The following DNAH7 variants were observed in gnomAD, a reference collection of about 807,000 sequenced individuals.
DNAH7 encodes dynein axonemal heavy chain 7, also known as axonemal beta dynein heavy chain 7.
Under a neutral mutation model 444.6 loss-of-function variants are expected in DNAH7, and 397 were observed. The observed-to-expected ratio is 0.89, with a 90% confidence interval of 0.82 to 0.97. The LOEUF (loss-of-function observed/expected upper bound fraction) is 0.97, where lower values mean the gene tolerates loss of function less well. Ranked by LOEUF, DNAH7 falls within the 50% of genes least tolerant of loss-of-function variation. The pLI is 0.00. For missense variants in DNAH7, 4,902 were observed against 4,800.8 expected (o/e 1.02, Z -0.62); for synonymous variants, 1,636 against 1,624.4 (o/e 1.01, Z -0.17).
At chr2:196,029,858 T>TGGA (rs1695931576) in intron 5 of DNAH7, among the ~76,000 whole-genome samples, 4 of 149,006 alleles carry the variant, frequency 2.7e-5, no homozygotes, top group African/African-American at 1.0e-4. Context: ...AAGAACTATA[T>TGGA]TTATTTTTTT....
At chr2:195,778,844 C>CT (rs11286753) in intron 58 of DNAH7, among the ~76,000 whole-genome samples, 12,162 of 125,800 alleles carry the variant, frequency 0.097, 642 homozygotes, top group African/African-American at 0.14. Context: ...CAATTGTACA[C>CT]TTTTTTTTTT....
intron 46 of DNAH7, among the ~76,000 whole-genome samples, chr2:195,852,891 TACACACACAC>T (rs4014237): frequency 2.2e-5 from 3 of 138,956 alleles, no homozygotes; most frequent in Admixed American, 7.2e-5. Context: ...GCTGATGAAG[TACACACACAC>T]ACACACACAC....
rs1396975278 is a variant in DNAH7 at position 195,947,248 on chromosome 2, G to A, written c.3078+10013C>T. Among the ~76,000 whole-genome samples, 4 of 151,434 alleles carry A rather than the reference G, an allele frequency of 2.6e-5. No individual in the cohort carries two copies. In the South Asian group the frequency reaches 8.3e-4, roughly 32 times the overall value. Reference sequence around the variant, plus strand: ...CTGACCTCAGGTAATCCACCGCCTTGGCCTCCCAAAGTGCTGGATCACAGG... The same window carrying A: ...CTGACCTCAGGTAATCCACCGCCTTAGCCTCCCAAAGTGCTGGATCACAGG... On this transcript the variant is annotated intron_variant, in intron 19 of 64. Transcript: ENST00000312428.
intron 57 of DNAH7, among the ~76,000 whole-genome samples, chr2:195,792,320 T>C (rs1299793621): frequency 1.3e-5 from 2 of 151,374 alleles, no homozygotes; most frequent in African/African-American, 2.4e-5. Context: ...TCACTTAATA[T>C]ACCCATTTAA....
rs183696755 is a variant in DNAH7, at chr2:196,026,866, G to A, written c.561C>T (p.His187=). The change falls in exon 7 of 65, where the codon CAC becomes CAT. Residue 187 remains histidine, a synonymous_variant. Coordinates refer to ENST00000312428, the MANE Select transcript of DNAH7 (RefSeq NM_018897.3). ...VAPMEDSWLE[H]VLDLVPQHLK... ...GATGTTGTGGAACTAAATCCAGTACGTGTTCTAGCCAAGAATCTTCCATTG... is the reference window on the plus strand; with the variant it reads ...GATGTTGTGGAACTAAATCCAGTACATGTTCTAGCCAAGAATCTTCCATTG... 335 of 1,612,148 alleles carry A rather than the reference G, an allele frequency of 2.1e-4. No individual in the cohort carries two copies. The East Asian group carries it at 6.9e-3, about 33-fold the overall frequency.
At chr2:196,046,465 G>C (rs56300177) in intron 5 of DNAH7, among the ~76,000 whole-genome samples, 2 of 152,194 alleles carry the variant, frequency 1.3e-5, no homozygotes, top group African/African-American at 4.8e-5. Context: ...TGTAACCAGA[G>C]GTCTACCCTC....
intron 19 of DNAH7, among the ~76,000 whole-genome samples, chr2:195,943,368 A>C (rs1358578250): frequency 1.3e-5 from 2 of 152,152 alleles, no homozygotes; most frequent in Non-Finnish European, 2.9e-5. Context: ...TTATAAGGTG[A>C]GTTCCTTAGC....
At chr2:195,900,517 T>C (rs1374764086) in intron 27 of DNAH7, 23 bp from the exon 28 acceptor site, 2 of 1,601,046 alleles carry the variant, frequency 1.2e-6, no homozygotes, top group Admixed American at 3.3e-5. Flanking sequence ...AGAAAGTTAC[T>C]TTTAAAAGGA....
intron 15 of DNAH7, among the ~76,000 whole-genome samples, chr2:195,984,423 T>C (rs574957711): frequency 4.3e-4 from 66 of 152,200 alleles, no homozygotes; most frequent in Non-Finnish European, 6.8e-4. Flanking sequence ...TCTCGACTCA[T>C]TGCAACCTCT....
chr2:195,891,732 C>T lies in DNAH7; in HGVS notation c.4969G>A (p.Gly1657Arg), dbSNP rs780935527. ...TCATGGGACACTGAATCAAACTGTC[C>T]GTACAGTTGGCCCATGGTGACAGAC... ...PKSVTMGQLY[G>R]QFDSVSHEWS... Residue 1657 changes from glycine (G) to arginine (R), a missense_variant, in exon 31 of 65, where the codon GGA (glycine) becomes AGA (arginine). Gly to Arg is a moderately radical substitution (Grantham distance 125, BLOSUM62 -2). Coordinates refer to ENST00000312428, the MANE Select transcript of DNAH7 (RefSeq NM_018897.3). 6.8e-6 allele frequency: 11 copies of T among 1,609,162 alleles called. No homozygotes were observed. Among genetic ancestry groups the T allele is most frequent in the South Asian group, 3.3e-5 (3 of 89,658 alleles).
chr2:195,749,167 T>G (rs1411885060), intron 63 of DNAH7, among the ~76,000 whole-genome samples: 2 of 151,962 alleles, frequency 1.3e-5, no homozygotes, highest in Admixed American at 6.6e-5. Flanking sequence ...AAAAAGTGCG[T>G]GAAGGACATG....
intron 15 of DNAH7, among the ~76,000 whole-genome samples, chr2:195,977,412 T>G (rs1300837001): frequency 6.6e-6 from 1 of 151,910 alleles, no homozygotes; most frequent in Non-Finnish European, 1.5e-5. Flanking sequence ...AAGAAAGAAT[T>G]AGTGAGCTTG....
intron 63 of DNAH7, among the ~76,000 whole-genome samples, chr2:195,750,687 G>A (rs1361449755): frequency 6.6e-6 from 1 of 152,124 alleles, no homozygotes; most frequent in African/African-American, 2.4e-5. Context: ...TAACCCCCCT[G>A]AGCCTTAGTT....
At chr2:196,059,965 C>T (rs968664890) in intron 1 of DNAH7, among the ~76,000 whole-genome samples, 9 of 152,234 alleles carry the variant, frequency 5.9e-5, no homozygotes, top group African/African-American at 2.2e-4. Flanking sequence ...CCTGTAATCC[C>T]AGCACTTTGG....
intron 10 of DNAH7, among the ~76,000 whole-genome samples, chr2:196,010,446 CA>C (rs1694660635): frequency 6.6e-6 from 1 of 152,126 alleles, no homozygotes; most frequent in Non-Finnish European, 1.5e-5. Flanking sequence ...CCATCCCTGA[CA>C]AAAAGAGGAA....
chr2:195,871,963 A>C (rs946097599), intron 40 of DNAH7, among the ~76,000 whole-genome samples: 3 of 81,650 alleles, frequency 3.7e-5, no homozygotes, highest in East Asian at 4.6e-4. Context: ...AAAAAAAAAA[A>C]AAAAAACTAC....
chr2:195,864,920 A>T lies in DNAH7; in HGVS notation c.6735T>A (p.Phe2245Leu). Reference sequence around the variant, plus strand: ...AATCCAAACGCTGAAAAAGCTCATGAAAATCTTCATACATGTAGTTTCTCA... The same window carrying T: ...AATCCAAACGCTGAAAAAGCTCATGTAAATCTTCATACATGTAGTTTCTCA... ...EILRNYMYED[F>L]HELFQRLDFD... The change falls in exon 41 of 65, where the codon TTT becomes TTA. Residue 2245 changes from phenylalanine (F) to leucine (L), a missense_variant. Phe to Leu is a conservative substitution (Grantham distance 22). Coordinates refer to ENST00000312428, the MANE Select transcript of DNAH7 (RefSeq NM_018897.3). 2 of 1,612,844 alleles carry T rather than the reference A, an allele frequency of 1.2e-6. No individual in the cohort carries two copies. Among genetic ancestry groups the T allele is most frequent in the Middle Eastern group, 1.6e-4 (1 of 6,062 alleles).
chr2:195,820,413 G>C lies in DNAH7; in HGVS notation c.9292-2584C>G, dbSNP rs567520558. ...ACCATCATAGTATATGTATACCTAT[G>C]TAACAAACCTGCACGCTCTGCACAT... On this transcript the variant is annotated intron_variant, in intron 49 of 64. Coordinates refer to ENST00000312428, the MANE Select transcript of DNAH7 (RefSeq NM_018897.3). 5.3e-5 allele frequency among the ~76,000 whole-genome samples: 8 copies of C among 151,088 alleles called. No individual in the cohort carries two copies. The South Asian group carries it at 1.7e-3, about 32-fold the overall frequency.
intron 5 of DNAH7, among the ~76,000 whole-genome samples, chr2:196,036,367 A>G (rs147017018): frequency 0.018 from 2,750 of 152,082 alleles, 40 homozygotes; most frequent in Admixed American, 0.03. Flanking sequence ...ACATCCCCCT[A>G]CATCCACCCA....
Sources: allele counts gnomAD v4.1 joint callset (sites outside exome capture counted in the v4.1 genomes callset), GRCh38; gene constraint gnomAD v4.1.1; transcripts MANE v1.5; gene names NCBI Gene and HGNC (gene_info 2026-07-23, HGNC 2026-07-21).